NR3C2: variants seen among roughly 807,000 people sequenced by gnomAD.
NR3C2 encodes the protein nuclear receptor subfamily 3 group C member 2.
Under a neutral mutation model 86.4 loss-of-function variants are expected in NR3C2, and 15 were observed. The ratio of observed to expected loss-of-function variants is 0.17; its 90% CI spans 0.12 to 0.27. The LOEUF (loss-of-function observed/expected upper bound fraction) is 0.27. NR3C2 is among the 10% of genes least tolerant of loss of function. The pLI, the probability that NR3C2 is intolerant of heterozygous loss-of-function variation, is 1.00. For missense variants in NR3C2, 960 were observed against 1,195.6 expected (o/e 0.80, Z 2.91); for synonymous variants, 458 against 450.5 (o/e 1.02, Z -0.21).
intron 3 of NR3C2, among the ~76,000 whole-genome samples, chr4:148,224,477 G>C (rs1364080234): frequency 6.6e-6 from 1 of 152,198 alleles, no homozygotes; most frequent in Middle Eastern, 3.2e-3. Flanking sequence ...TCTCCAGTTA[G>C]AACGAGTGAG....
At chr4:148,396,918 T>C (rs1373397452) in intron 2 of NR3C2, among the ~76,000 whole-genome samples, 5 of 152,190 alleles carry the variant, frequency 3.3e-5, no homozygotes, top group Admixed American at 1.3e-4. Flanking sequence ...TTTATAGAAG[T>C]TGATGTTTTG....
At chr4:148,168,975 G>A (rs1167801373) in intron 4 of NR3C2, among the ~76,000 whole-genome samples, 1 of 152,052 alleles carries the variant, frequency 6.6e-6, no homozygotes, top group Non-Finnish European at 1.5e-5. Flanking sequence ...ATTTCAAGAA[G>A]ACACTAAAGA....
At chr4:148,123,126 G>A (rs547900041) in intron 6 of NR3C2, among the ~76,000 whole-genome samples, 30 of 151,776 alleles carry the variant, frequency 2.0e-4, no homozygotes, top group Non-Finnish European at 3.5e-4. Flanking sequence ...ATAAATGGCC[G>A]CTCTGGGAAT....
At chr4:148,194,303 A>G (rs3910057) in intron 4 of NR3C2, among the ~76,000 whole-genome samples, 113,331 of 152,068 alleles carry the variant, frequency 0.75, 43,248 homozygotes, top group African/African-American at 0.92. Flanking sequence ...TTGATGAGCC[A>G]CTGTAACATT....
intron 2 of NR3C2, among the ~76,000 whole-genome samples, chr4:148,282,978 G>T (rs1421929583): frequency 1.3e-5 from 2 of 152,128 alleles, no homozygotes; most frequent in Non-Finnish European, 2.9e-5. Flanking sequence ...TGAAATCAGA[G>T]ATGAGGTTAG....
At chr4:148,107,505 C>T (rs1731855740) in intron 8 of NR3C2, among the ~76,000 whole-genome samples, 1 of 152,104 alleles carries the variant, frequency 6.6e-6, no homozygotes, top group Non-Finnish European at 1.5e-5. Context: ...GGTATATACC[C>T]AAAGGATTAT....
At chr4:148,224,504 G>C (rs1347247956) in intron 3 of NR3C2, among the ~76,000 whole-genome samples, 1 of 152,184 alleles carries the variant, frequency 6.6e-6, no homozygotes, top group Non-Finnish European at 1.5e-5. Context: ...TTACATTGTG[G>C]GGACACAGAA....
chr4:148,186,440 T>C (rs1291850676), intron 4 of NR3C2, among the ~76,000 whole-genome samples: 2 of 151,274 alleles, frequency 1.3e-5, no homozygotes, highest in Non-Finnish European at 3.0e-5. Flanking sequence ...GATTTGTAAG[T>C]AATGTTCATT....
chr4:148,380,247 G>A (rs1746901394), intron 2 of NR3C2, among the ~76,000 whole-genome samples: 1 of 152,064 alleles, frequency 6.6e-6, no homozygotes, highest in Non-Finnish European at 1.5e-5. Context: ...CTTTCATTGG[G>A]CATAATGTTT....
intron 3 of NR3C2, among the ~76,000 whole-genome samples, chr4:148,227,442 T>C (rs79064097): frequency 0.014 from 2,194 of 152,302 alleles, 31 homozygotes; most frequent in Non-Finnish European, 0.024. Flanking sequence ...GTTTCCCTAC[T>C]ATAGTGTTAT....
intron 8 of NR3C2, 114 bp downstream of exon 8, chr4:148,113,990 C>T: frequency 8.0e-7 from 1 of 1,252,560 alleles, no homozygotes; most frequent in South Asian, 1.3e-5. Context: ...TTAATGGAGT[C>T]AACAGAGGTC....
At chr4:148,172,723 G>T (rs760891675) in intron 4 of NR3C2, among the ~76,000 whole-genome samples, 4 of 152,176 alleles carry the variant, frequency 2.6e-5, no homozygotes, top group Non-Finnish European at 5.9e-5. Flanking sequence ...GTGCTCTGAA[G>T]AGAAAGACAA....
intron 2 of NR3C2, among the ~76,000 whole-genome samples, chr4:148,267,473 A>G (rs1466233472): frequency 6.6e-6 from 1 of 152,106 alleles, no homozygotes; most frequent in Non-Finnish European, 1.5e-5. Context: ...AGGTAATTCT[A>G]CCATTCTGTA....
At chr4:148,372,831 T>G (rs997680067) in intron 2 of NR3C2, among the ~76,000 whole-genome samples, 4 of 152,220 alleles carry the variant, frequency 2.6e-5, no homozygotes, top group African/African-American at 4.8e-5. Flanking sequence ...ATGCTTCAGA[T>G]AGTTTAACCC....
chr4:148,367,024 C>A (rs558838892), intron 2 of NR3C2, among the ~76,000 whole-genome samples: 1 of 152,126 alleles, frequency 6.6e-6, no homozygotes, highest in Admixed American at 6.6e-5. Flanking sequence ...AGAAACATCC[C>A]TCATAAAGGC....
In NR3C2 at chr4:148,436,163, G is replaced by C. The variant is rs1750056676; in HGVS notation, c.698C>G (p.Thr233Ser). Reference protein sequence around the residue: ...FPVHSPITQGTPLTCSPNVEN... With the variant: ...FPVHSPITQGSPLTCSPNVEN... ...AACATTAGGGGAGCATGTCAGAGGA[G>C]TTCCCTGGGTGATTGGGCTGTGCAC... The change falls in exon 2 of 9, where the codon ACT (threonine) becomes AGT (serine). Residue 233 changes from threonine to serine, a missense_variant. Coordinates refer to ENST00000358102, the MANE Select transcript of NR3C2 (RefSeq NM_000901.5). 1 of 1,614,058 alleles carries C rather than the reference G, an allele frequency of 6.2e-7. No homozygotes were observed. The highest frequency in any genetic ancestry group is 8.5e-7 in the Non-Finnish European group (1 of 1,180,046).
upstream of NR3C2, among the ~76,000 whole-genome samples, chr4:148,445,184 A>G (rs1458514423): frequency 1.3e-5 from 2 of 151,968 alleles, no homozygotes; most frequent in Non-Finnish European, 2.9e-5. Context: ...GCAGCCCTCC[A>G]AAGTCCGGCC....
rs972451919 is a variant in NR3C2, at chr4:148,156,606, C to A, written c.2015-1705G>T. On this transcript the variant is annotated intron_variant, in intron 4 of 8. Transcript: ENST00000358102. Reference sequence around the variant, plus strand: ...AATGCAAATCAAAACCACAATGAGACACCATCTCACACCAGTTAGAATGGC... The same window carrying A: ...AATGCAAATCAAAACCACAATGAGAAACCATCTCACACCAGTTAGAATGGC... Among the ~76,000 whole-genome samples, 4 of 152,146 alleles carry A rather than the reference C, an allele frequency of 2.6e-5. No individual in the cohort carries two copies. In the South Asian group the frequency reaches 6.2e-4, roughly 24 times the overall value.
At chr4:148,218,167 C>G (rs1244619853) in intron 3 of NR3C2, among the ~76,000 whole-genome samples, 2 of 152,096 alleles carry the variant, frequency 1.3e-5, no homozygotes, top group Non-Finnish European at 2.9e-5. Context: ...TGCTATAAGT[C>G]TAAGTACGAA....
Sources: gnomAD v4.1 joint callset for allele counts (sites outside exome capture counted in the v4.1 genomes callset) on GRCh38, gnomAD v4.1.1 for gene constraint, MANE v1.5 for transcripts, NCBI Gene and HGNC (gene_info 2026-07-23, HGNC 2026-07-21) for gene names.